RAPGEF1: variants seen among roughly 807,000 people sequenced by gnomAD.
The protein encoded by RAPGEF1 is Rap guanine nucleotide exchange factor 1, also known as CRK SH3-binding GNRP.
Under a neutral mutation model 143.3 loss-of-function variants are expected in RAPGEF1, and 33 were observed. That is an observed-to-expected ratio of 0.23 (90% confidence interval 0.17 to 0.31). The LOEUF is 0.31. RAPGEF1 is among the 10% of genes least tolerant of loss of function. The pLI, the probability that RAPGEF1 is intolerant of heterozygous loss-of-function variation, is 1.00. For synonymous variants in RAPGEF1, 629 were observed against 676.5 expected, an observed-to-expected ratio of 0.93 and a Z score of 1.09; for missense variants, 1,199 against 1,645.4, an observed-to-expected ratio of 0.73 and a Z score of 4.69.
At chr9:131,635,523 C>T (rs1270319913) in intron 5 of RAPGEF1, among the ~76,000 whole-genome samples, 1 of 152,212 alleles carries the variant, frequency 6.6e-6, no homozygotes, top group Non-Finnish European at 1.5e-5. Flanking sequence ...GGGCTGACAA[C>T]ATCCTCATGA....
chr9:131,650,983 G>A lies in RAPGEF1; in HGVS notation c.62-34C>T. On this transcript the variant is annotated intron_variant, in intron 1 of 26. Transcript: ENST00000683357. The surrounding 1 kb of genome is among the most constrained non-coding windows in gnomAD (Gnocchi z 4.7). ...AAAGAGGGTACTGACTGTTAGATGG[G>A]AGTGGGAAGAAGCGATGGTTCATTG... 1 of 1,605,928 alleles carries A rather than the reference G, an allele frequency of 6.2e-7. No individual in the cohort carries two copies. The highest frequency in any genetic ancestry group is 8.5e-7 in the Non-Finnish European group (1 of 1,175,138).
At chr9:131,727,142 A>G (rs2131314533) in intron 1 of RAPGEF1, among the ~76,000 whole-genome samples, 1 of 152,264 alleles carries the variant, frequency 6.6e-6, no homozygotes, top group Middle Eastern at 3.4e-3. Context: ...TACAAGCCCC[A>G]TTTCACAAAA....
chr9:131,596,182 G>T, intron 17 of RAPGEF1, 116 bp downstream of exon 17: 3 of 924,224 alleles, frequency 3.2e-6, no homozygotes, highest in Non-Finnish European at 3.4e-6. Context: ...CACCAGGACT[G>T]CTGATCAGAC....
intron 1 of RAPGEF1, among the ~76,000 whole-genome samples, chr9:131,659,171 G>A (rs1330390015): frequency 6.6e-6 from 1 of 152,178 alleles, no homozygotes; most frequent in Non-Finnish European, 1.5e-5. Flanking sequence ...AAATGGAGTG[G>A]AGGCGTGATT....
Position 131,629,105 on chromosome 9 carries a change from T to C in RAPGEF1, c.890A>G (p.Asn297Ser). 1 of 1,613,294 alleles carries C rather than the reference T, an allele frequency of 6.2e-7. No individual in the cohort carries two copies. Among genetic ancestry groups the C allele is most frequent in the Non-Finnish European group, 8.5e-7 (1 of 1,179,508 alleles). The change falls in exon 7 of 27, where the codon AAT becomes AGT. Residue 297 changes from asparagine to serine, a missense_variant. Physicochemically the swap from Asn to Ser is conservative, Grantham distance 46 (BLOSUM62 1). Around this residue, in one of 6 missense-constraint regions of RAPGEF1, gnomAD observed 613 missense variants for 710.9 expected, o/e 0.86. Transcript: ENST00000683357. Reference protein sequence around the residue: ...PPLPGIRVVDNSPPPALPPKK... With the variant: ...PPLPGIRVVDSSPPPALPPKK... ...GGACAAATAGGAAGGTAATTACCTATTATCAACCACCCGAATGCCAGGCAG... is the reference window on the plus strand; with the variant it reads ...GGACAAATAGGAAGGTAATTACCTACTATCAACCACCCGAATGCCAGGCAG...
In RAPGEF1 at chr9:131,739,411, C is replaced by A. The variant is rs1179859435; in HGVS notation, c.61+359G>T. ...CTCCTAGCGCCGAGCCCAGGCCGGG[C>A]ACCGATCGCTGCAGCCGCAGCAGCA... is the stretch of plus-strand genomic sequence containing the variant. On this transcript the variant is annotated intron_variant, in intron 1 of 26. Transcript: ENST00000683357. Among the ~76,000 whole-genome samples the A allele has an allele frequency of 8.1e-4, 123 of 152,302 alleles. 1 individual carries two copies. The highest frequency in any genetic ancestry group is 1.9e-4 in the Non-Finnish European group (13 of 68,012).
rs1329365975 is a variant in RAPGEF1, at chr9:131,739,891, C to G, written c.-61G>C. On this transcript the variant is annotated 5_prime_UTR_variant, in exon 1 of 27. Coordinates refer to ENST00000683357, the MANE Select transcript of RAPGEF1 (RefSeq NM_001377935.1). ...CGGCGCGCCCGCCGCTCGCCTCGGC[C>G]CTGGCTCGCCACGCCTCAGACCCGC... 21 of 948,356 alleles carry G rather than the reference C, an allele frequency of 2.2e-5. No individual in the cohort carries two copies. The highest frequency in any genetic ancestry group is 2.6e-5 in the Non-Finnish European group (21 of 798,176). 58.7% of individuals were successfully genotyped at this position (948,356 alleles called of 1,614,324 possible).
intron 1 of RAPGEF1, among the ~76,000 whole-genome samples, chr9:131,683,736 G>A (rs1303283360): frequency 6.6e-6 from 1 of 152,228 alleles, no homozygotes; most frequent in Non-Finnish European, 1.5e-5. Flanking sequence ...AGCTCAAAAA[G>A]CGGAGCTTGT....
intron 1 of RAPGEF1, among the ~76,000 whole-genome samples, chr9:131,683,947 C>T (rs1238309176): frequency 6.6e-6 from 1 of 152,250 alleles, no homozygotes; most frequent in Non-Finnish European, 1.5e-5. Flanking sequence ...CACATTAGGG[C>T]TCGTACACTT....
rs370380964 is a variant in RAPGEF1 at position 131,589,016 on chromosome 9, G to A, written c.2868-30C>T. The A allele has an allele frequency of 4.7e-5, 76 of 1,601,706 alleles. No individual in the cohort carries two copies. In the African/African-American group the frequency reaches 9.1e-4, roughly 19 times the overall value. On this transcript the variant is annotated intron_variant, in intron 19 of 26. Coordinates refer to ENST00000683357, the MANE Select transcript of RAPGEF1 (RefSeq NM_001377935.1). ...AGGACAAAAGAGCACAAGGTGAGGA[G>A]CAGGAACGCAAGGCCCAGGCAGAGT...
At chr9:131,588,130 C>T in intron 20 of RAPGEF1, 104 bp from the exon 21 acceptor site, 1 of 999,312 alleles carries the variant, frequency 1.0e-6, no homozygotes, top group East Asian at 2.6e-5. Context: ...GCCTCTCTGC[C>T]CAGCAGGAGC....
chr9:131,682,711 G>A lies in RAPGEF1; in HGVS notation c.62-31762C>T, dbSNP rs370004094. ...TGAAATTAAATGAAAAGGAGGATTT[G>A]GAAGCACAAATAAACAAGGCAAAGC... On this transcript the variant is annotated intron_variant, in intron 1 of 26. Coordinates refer to ENST00000683357, the MANE Select transcript of RAPGEF1 (RefSeq NM_001377935.1). 9.0e-4 allele frequency among the ~76,000 whole-genome samples: 137 copies of A among 152,198 alleles called. 5 individuals are homozygous for A. In the South Asian group the frequency reaches 0.027, roughly 30 times the overall value.
chr9:131,631,319 G>A (rs1964786835), intron 5 of RAPGEF1, among the ~76,000 whole-genome samples: 1 of 152,196 alleles, frequency 6.6e-6, no homozygotes, highest in South Asian at 2.1e-4. Flanking sequence ...CACCCCATAA[G>A]GAAGCTCCGC....
chr9:131,730,455 G>A (rs1836975114), intron 1 of RAPGEF1, among the ~76,000 whole-genome samples: 1 of 151,746 alleles, frequency 6.6e-6, no homozygotes, highest in South Asian at 2.1e-4. Context: ...TGAGGCGGCG[G>A]ATCACAAGGT....
At chr9:131,618,236 T>C (rs780095323) in intron 12 of RAPGEF1, among the ~76,000 whole-genome samples, 4 of 152,366 alleles carry the variant, frequency 2.6e-5, no homozygotes, top group South Asian at 2.1e-4. Context: ...CCAGCTGTCA[T>C]GTGAACAAGC....
intron 1 of RAPGEF1, among the ~76,000 whole-genome samples, chr9:131,654,672 A>G (rs1219423705): frequency 6.6e-6 from 1 of 152,256 alleles, no homozygotes; most frequent in Non-Finnish European, 1.5e-5. Flanking sequence ...CCTGGGCAAC[A>G]GAGCGAGACC....
At chr9:131,622,171 T>C (rs1961310250) in intron 10 of RAPGEF1, among the ~76,000 whole-genome samples, 173 bp from the exon 11 acceptor site, 1 of 152,168 alleles carries the variant, frequency 6.6e-6, no homozygotes, top group South Asian at 2.1e-4. Context: ...CTCTGTCTGA[T>C]GCGCTAACGG....
intron 22 of RAPGEF1, among the ~76,000 whole-genome samples, chr9:131,585,633 T>C (rs1952601363): frequency 6.6e-6 from 1 of 152,160 alleles, no homozygotes; most frequent in Non-Finnish European, 1.5e-5. Context: ...TGGACTGCCA[T>C]AGCTAAACAT....
rs1226695265 is a variant in RAPGEF1 at position 131,739,120 on chromosome 9, C to A, written c.61+650G>T. 1.5e-4 allele frequency among the ~76,000 whole-genome samples: 23 copies of A among 152,176 alleles called. 1 individual carries two copies. Among genetic ancestry groups the A allele is most frequent in the Admixed American group, 1.5e-3 (23 of 15,288 alleles). On this transcript the variant is annotated intron_variant, in intron 1 of 26. Coordinates refer to ENST00000683357, the MANE Select transcript of RAPGEF1 (RefSeq NM_001377935.1). ...TCCAGGACAGGCAAACCCAGGGACT[C>A]GGAAGGTAACTCCCCCAGATTTCTA...
Sources: allele counts gnomAD v4.1 joint callset (sites outside exome capture counted in the v4.1 genomes callset), GRCh38; gene constraint gnomAD v4.1.1; regional missense constraint gnomAD v4.1.1; non-coding constraint Gnocchi (gnomAD v3.1); transcripts MANE v1.5; gene names NCBI Gene and HGNC (gene_info 2026-07-23, HGNC 2026-07-21).